The following RMDN2 variants were observed in gnomAD, a reference collection of about 807,000 sequenced individuals.
RMDN2 encodes the protein regulator of microtubule dynamics 2.
Under a neutral mutation model 52.8 loss-of-function variants are expected in RMDN2, and 61 were observed. The observed-to-expected ratio is 1.16, with a 90% CI of 0.94 to 1.43. The LOEUF (loss-of-function observed/expected upper bound fraction) is 1.43, where lower values mean the gene tolerates loss of function less well. RMDN2 is among the 40% of genes most tolerant of loss of function. The probability of loss-of-function intolerance (pLI) is 0.00; values close to 1 mark genes in which losing one functional copy is unlikely to be tolerated. For synonymous variants in RMDN2, 180 were observed against 153.1 expected, an observed-to-expected ratio of 1.18 and a Z score of -1.30; for missense variants, 592 against 475.3, an observed-to-expected ratio of 1.25 and a Z score of -2.28.
At chr2:37,936,355 C>T (rs1007760399) in intron 2 of RMDN2, among the ~76,000 whole-genome samples, 7 of 152,162 alleles carry the variant, frequency 4.6e-5, no homozygotes, top group South Asian at 2.1e-4. Context: ...AATAAACATA[C>T]GTGTGCGTGT....
chr2:37,988,116 G>T (rs1674283886), intron 5 of RMDN2, among the ~76,000 whole-genome samples: 1 of 152,094 alleles, frequency 6.6e-6, no homozygotes, highest in Non-Finnish European at 1.5e-5. Context: ...GAGATATATG[G>T]GAATCCTCCA....
intron 10 of RMDN2, among the ~76,000 whole-genome samples, chr2:38,034,914 A>C (rs1573194840): frequency 6.6e-6 from 1 of 152,154 alleles, no homozygotes; most frequent in Non-Finnish European, 1.5e-5. Flanking sequence ...CAAAGTATTT[A>C]GAAGCATTTA....
chr2:37,928,278 G>C (rs1033849095), intron 1 of RMDN2, among the ~76,000 whole-genome samples: 2 of 152,210 alleles, frequency 1.3e-5, no homozygotes, highest in Non-Finnish European at 2.9e-5. Flanking sequence ...GATTATGGCT[G>C]CTTGTTCTCT....
intron 8 of RMDN2, among the ~76,000 whole-genome samples, chr2:38,003,257 T>C (rs1164530062): frequency 6.6e-6 from 1 of 152,160 alleles, no homozygotes; most frequent in African/African-American, 2.4e-5. Flanking sequence ...TCTTATTTTC[T>C]AAATAGATAG....
intron 2 of RMDN2, among the ~76,000 whole-genome samples, chr2:37,960,318 G>A (rs1165306954): frequency 1.4e-5 from 2 of 143,476 alleles, no homozygotes; most frequent in Admixed American, 7.2e-5. Flanking sequence ...TTATGAATCT[G>A]GGTGCTCCTG....
At chr2:38,037,011 G>T (rs1450390355) in intron 10 of RMDN2, among the ~76,000 whole-genome samples, 1 of 152,148 alleles carries the variant, frequency 6.6e-6, no homozygotes, top group Non-Finnish European at 1.5e-5. Flanking sequence ...CTTTGTCATT[G>T]CAGTTCATTT....
At chr2:37,981,453 T>G in intron 5 of RMDN2, 110 bp downstream of exon 5, 1 of 712,530 alleles carries the variant, frequency 1.4e-6, no homozygotes, top group South Asian at 1.7e-5. Context: ...TCAGTCACAT[T>G]CACTGAAAAA....
At chr2:37,958,810 C>T (rs1473951371) in intron 2 of RMDN2, among the ~76,000 whole-genome samples, 3 of 150,778 alleles carry the variant, frequency 2.0e-5, no homozygotes, top group Non-Finnish European at 2.9e-5. Context: ...CAGAGATGTT[C>T]CCTCAATACC....
intron 2 of RMDN2, chr2:37,952,232 G>A (rs749292832): frequency 6.2e-7 from 1 of 1,605,344 alleles, no homozygotes; most frequent in Non-Finnish European, 8.5e-7. Flanking sequence ...CTCTTAGAAG[G>A]GCACCTCAAA....
rs188859446 is a variant in RMDN2, at chr2:37,950,451, C to T, written c.452+20722C>T. Reference sequence around the variant, plus strand: ...GCTGTCATCACATTCTGTGTTATTGCCATGTTAACTCCACATGCAGCTTGA... The same window carrying T: ...GCTGTCATCACATTCTGTGTTATTGTCATGTTAACTCCACATGCAGCTTGA... On this transcript the variant is annotated intron_variant, in intron 2 of 10. Coordinates refer to ENST00000354545, the MANE Select transcript of RMDN2 (RefSeq NM_001170791.3). The T allele has an allele frequency of 1.5e-5, 24 of 1,609,624 alleles. No homozygotes were observed. In the Admixed American group the frequency reaches 1.7e-4, roughly 11 times the overall value.
chr2:37,985,884 G>A (rs1673942593), intron 5 of RMDN2, among the ~76,000 whole-genome samples: 1 of 152,104 alleles, frequency 6.6e-6, no homozygotes, highest in African/African-American at 2.4e-5. Context: ...TTAGTTAATA[G>A]TGTATTAATA....
intron 4 of RMDN2, among the ~76,000 whole-genome samples, chr2:37,979,331 A>T (rs1311998847): frequency 6.6e-6 from 1 of 152,208 alleles, no homozygotes; most frequent in Non-Finnish European, 1.5e-5. Flanking sequence ...ACAGCCAATT[A>T]TATTCAGTGT....
rs1667308250 is a variant in RMDN2, at chr2:37,936,598, G to A, written c.452+6869G>A. Among the ~76,000 whole-genome samples, 3 of 152,180 alleles carry A rather than the reference G, an allele frequency of 2.0e-5. No individual in the cohort carries two copies. The South Asian group carries it at 6.2e-4, about 31-fold the overall frequency. ...ATGATCACCATTCTAACTTGTATAAGATGATATCTCATTGTGGTTTTGATT... is the reference window on the plus strand; with the variant it reads ...ATGATCACCATTCTAACTTGTATAAAATGATATCTCATTGTGGTTTTGATT... On this transcript the variant is annotated intron_variant, in intron 2 of 10. Coordinates refer to ENST00000354545, the MANE Select transcript of RMDN2 (RefSeq NM_001170791.3).
chr2:38,057,474 G>A (rs1681892192), intron 10 of RMDN2, among the ~76,000 whole-genome samples: 1 of 152,144 alleles, frequency 6.6e-6, no homozygotes. Flanking sequence ...ATGGAAAATG[G>A]GTGGTGGACC....
chr2:37,950,422 GT>G, intron 2 of RMDN2: 1 of 1,606,002 alleles, frequency 6.2e-7, no homozygotes, highest in Non-Finnish European at 8.5e-7. Context: ...AGATTCTAGA[GT>G]CTGCTGTCAT....
In RMDN2 at chr2:38,022,849, C is replaced by T. The variant is rs540730101; in HGVS notation, c.1713+18633C>T. On this transcript the variant is annotated intron_variant, in intron 10 of 10. Coordinates refer to the RMDN2 transcript ENST00000234195. ...GGGTTAGCTTTTACACTAAACTTCT[C>T]ATTTTTACCAATAAACAGTTTAAGC... Among the ~76,000 whole-genome samples, 14 of 152,292 alleles carry T rather than the reference C, an allele frequency of 9.2e-5. No homozygotes were observed. The South Asian group carries it at 2.9e-3, about 32-fold the overall frequency.
upstream of RMDN2, among the ~76,000 whole-genome samples, chr2:37,924,343 G>C (rs1447508528): frequency 6.6e-6 from 1 of 152,200 alleles, no homozygotes; most frequent in South Asian, 2.1e-4. Context: ...TAATACTCAA[G>C]GTGCGGACAA....
chr2:38,031,813 A>T (rs953890815), intron 10 of RMDN2, among the ~76,000 whole-genome samples: 6 of 152,094 alleles, frequency 3.9e-5, no homozygotes, highest in African/African-American at 1.4e-4. Context: ...CTTCCTCGGG[A>T]TGCCTGGAGC....
intron 10 of RMDN2, among the ~76,000 whole-genome samples, chr2:38,055,178 G>A (rs575546943): frequency 6.6e-6 from 1 of 151,896 alleles, no homozygotes; most frequent in East Asian, 2.0e-4. Context: ...AGCCGTCCCC[G>A]CTTGATGATC....
Sources: allele counts gnomAD v4.1 joint callset (sites outside exome capture counted in the v4.1 genomes callset), GRCh38; gene constraint gnomAD v4.1.1; transcripts MANE v1.5; gene names NCBI Gene and HGNC (gene_info 2026-07-23, HGNC 2026-07-21).